Variants in FBH1 observed in about 807,000 individuals in gnomAD.
FBH1 encodes the protein DNA 3'-5' helicase 1.
Under a neutral mutation model 115.5 loss-of-function variants are expected in FBH1, and 43 were observed. The ratio of observed to expected loss-of-function variants is 0.37; its 90% CI spans 0.29 to 0.48. The LOEUF (loss-of-function observed/expected upper bound fraction) is 0.48, where lower values mean the gene tolerates loss of function less well. Among genes scored for constraint, FBH1 ranks in the 20% least tolerant of loss-of-function variants. The pLI is 0.99. For missense variants in FBH1, 1,001 were observed against 1,337.3 expected (o/e 0.75, Z 3.92); for synonymous variants, 524 against 507.8 (o/e 1.03, Z -0.43).
chr10:5,895,332 T>C lies in FBH1; in HGVS notation c.1+4986T>C. The C allele has an allele frequency of 1.4e-6, 1 of 708,836 alleles. No homozygotes were observed. The highest frequency in any genetic ancestry group is 2.1e-6 in the Non-Finnish European group (1 of 485,762). 43.9% of individuals were successfully genotyped at this position (708,836 alleles called of 1,614,324 possible). On this transcript the variant is annotated intron_variant, in intron 1 of 20. Coordinates refer to ENST00000362091, the MANE Select transcript of FBH1 (RefSeq NM_178150.3). The surrounding 1 kb of genome is among the most constrained non-coding windows in gnomAD (Gnocchi z 5.0). ...CAGTCAGGTACCTTGTACTAGCGAG[T>C]CAACTTGATTTTTTTTTGAAAAAGC...
At chr10:5,896,795 G>A (rs987443399) in intron 1 of FBH1, among the ~76,000 whole-genome samples, 2 of 152,126 alleles carry the variant, frequency 1.3e-5, no homozygotes, top group African/African-American at 4.8e-5. Flanking sequence ...ATTCCCTAAA[G>A]AATCACAAGC....
chr10:5,936,649 G>A lies in FBH1; in HGVS notation c.2961+62G>A, dbSNP rs746573758. On this transcript the variant is annotated intron_variant, in intron 20 of 20. Coordinates refer to ENST00000362091, the MANE Select transcript of FBH1 (RefSeq NM_178150.3). This position sits in a 1 kb window ranked among gnomAD's most constrained non-coding sequence, Gnocchi z 5.6. ...TGCATTTTTTGCTTGTGAGCTCTGTGCTTATCTGGGTTGTAGGTGAGGAGA... is the reference window on the plus strand; with the variant it reads ...TGCATTTTTTGCTTGTGAGCTCTGTACTTATCTGGGTTGTAGGTGAGGAGA... 1.6e-5 allele frequency: 25 copies of A among 1,595,394 alleles called. No homozygotes were observed. The highest frequency in any genetic ancestry group is 6.7e-5 in the African/African-American group (5 of 74,594).
Position 5,925,314 on chromosome 10 carries a change from T to C in FBH1, c.2597-53T>C. On this transcript the variant is annotated intron_variant, in intron 17 of 20. Coordinates refer to ENST00000362091, the MANE Select transcript of FBH1 (RefSeq NM_178150.3). This position sits in a 1 kb window ranked among gnomAD's most constrained non-coding sequence, Gnocchi z 4.6. ...GGGAAACATGTATGTTTTTGTCATC[T>C]TGTTTCTTTCCCTTTGAAGCACCAT... is the stretch of plus-strand genomic sequence containing the variant. The C allele has an allele frequency of 1.9e-6, 3 of 1,596,498 alleles. No homozygotes were observed. In the South Asian group the frequency reaches 3.4e-5, roughly 18 times the overall value.
chr10:5,906,693 A>G lies in FBH1; in HGVS notation c.753+61A>G, dbSNP rs1843715105. On this transcript the variant is annotated intron_variant, in intron 3 of 20. Coordinates refer to ENST00000362091, the MANE Select transcript of FBH1 (RefSeq NM_178150.3). This position sits in a 1 kb window ranked among gnomAD's most constrained non-coding sequence, Gnocchi z 7.3. The stretch of plus-strand genomic sequence containing the variant: ...AAAAGCACGTAACTTTGCTTAATGC[A>G]CGCTTATAATCAGAGGATCTTTTCA... 1 of 1,337,364 alleles carries G rather than the reference A, an allele frequency of 7.5e-7. No homozygotes were observed. The highest frequency in any genetic ancestry group is 1.0e-6 in the Non-Finnish European group (1 of 963,760). The allele number at this position is 1,337,364 out of a possible 1,614,324, so 82.8% of individuals were successfully genotyped here.
Position 5,897,634 on chromosome 10 carries a change from T to C in FBH1, c.2-5386T>C. On this transcript the variant is annotated intron_variant, in intron 1 of 20. Transcript: ENST00000362091. The surrounding 1 kb of genome is among the most constrained non-coding windows in gnomAD (Gnocchi z 4.7). The stretch of plus-strand genomic sequence containing the variant: ...ATGGCTGGTAACGCCATTCCAGTTA[T>C]ATAGGTTACTTATCTTAGTGCACAG... Among the ~76,000 whole-genome samples, 1 of 152,198 alleles carries C rather than the reference T, an allele frequency of 6.6e-6. No individual in the cohort carries two copies.
chr10:5,921,518 G>A lies in FBH1; in HGVS notation c.2271G>A (p.Glu757=). Reference sequence around the variant, plus strand: ...GGACCAACGCCAACGTGTTTGATGAGGCCGTACGGGTGACGGAAGGGGAAT... The same window carrying A: ...GGACCAACGCCAACGTGTTTGATGAAGCCGTACGGGTGACGGAAGGGGAAT... The part of the protein sequence containing the change: ...LSRTNANVFD[E]AVRVTEGEFP... Residue 757 remains glutamate (E), a synonymous_variant, in exon 15 of 21, where the codon GAG becomes GAA. Transcript: ENST00000362091. This position sits in a 1 kb window ranked among gnomAD's most constrained non-coding sequence, Gnocchi z 6.4. 1 of 1,596,442 alleles carries A rather than the reference G, an allele frequency of 6.3e-7. No individual in the cohort carries two copies. Among genetic ancestry groups the A allele is most frequent in the Non-Finnish European group, 8.5e-7 (1 of 1,175,940 alleles).
intron 10 of FBH1, among the ~76,000 whole-genome samples, chr10:5,916,862 T>C (rs1024016856): frequency 6.6e-5 from 10 of 152,186 alleles, no homozygotes; most frequent in African/African-American, 2.4e-4. Flanking sequence ...TTTTCTCCTG[T>C]GAAGGACACT....
At position 5,921,352 on chromosome 10, in the gene FBH1, A is replaced by G. The variant is rs777436642; in HGVS notation, c.2195A>G (p.His732Arg). The G allele has an allele frequency of 2.5e-6, 4 of 1,614,106 alleles. No individual in the cohort carries two copies. Among genetic ancestry groups the G allele is most frequent in the African/African-American group, 1.3e-5 (1 of 74,946 alleles). The change falls in exon 14 of 21, where the codon CAT becomes CGT. Residue 732 changes from histidine to arginine, a missense_variant. By Grantham distance (29) the His-to-Arg change is conservative. This residue lies in a region of FBH1 where 521 missense variants were observed against 811.0 expected (regional missense o/e 0.64). Coordinates refer to ENST00000362091, the MANE Select transcript of FBH1 (RefSeq NM_178150.3). This position sits in a 1 kb window ranked among gnomAD's most constrained non-coding sequence, Gnocchi z 6.4. ...VRKKTLVGGN[H>R]QSGIRGDAKG... is the part of the protein sequence containing the mutation. ...AAAAAGACTTTGGTTGGAGGAAACC[A>G]TCAGAGTAAGGCTTTTAGTTACTCT...
chr10:5,890,377 G>A (rs1376265738), intron 1 of FBH1, 31 bp downstream of exon 1: 2 of 373,006 alleles, frequency 5.4e-6, no homozygotes, highest in Admixed American at 4.7e-5. Context: ...GGCAGGGAGT[G>A]TGGGAGGGGC....
chr10:5,915,739 T>C lies in FBH1; in HGVS notation c.1565+168T>C. The C allele has an allele frequency of 8.0e-6, 5 of 624,992 alleles. No individual in the cohort carries two copies. The highest frequency in any genetic ancestry group is 7.9e-5 in the South Asian group (4 of 50,346). 38.7% of individuals were successfully genotyped at this position (624,992 alleles called of 1,614,324 possible). ...AATACATAGGTTTAGCCATTTGTAC[T>C]TTTATCCTGTAGCAACATATTGTTT... On this transcript the variant is annotated intron_variant, in intron 9 of 20. Transcript: ENST00000362091. The surrounding 1 kb of genome is among the most constrained non-coding windows in gnomAD (Gnocchi z 5.2).
rs78611720 is a variant in FBH1, at chr10:5,895,517, A to G, written c.1+5171A>G. On this transcript the variant is annotated intron_variant, in intron 1 of 20. Transcript: ENST00000362091. The surrounding 1 kb of genome is among the most constrained non-coding windows in gnomAD (Gnocchi z 5.0). Reference sequence around the variant, plus strand: ...AAGGAAATTATTTGGTATCCATTTCAAATGATCCTGAATGGTTAGGGTAAG... The same window carrying G: ...AAGGAAATTATTTGGTATCCATTTCGAATGATCCTGAATGGTTAGGGTAAG... 8.0e-4 allele frequency among the ~76,000 whole-genome samples: 122 copies of G among 152,334 alleles called. 3 individuals carry two copies. The East Asian group carries it at 0.015, about 18-fold the overall frequency.
At position 5,897,618 on chromosome 10, in the gene FBH1, A is replaced by G. The variant is rs1843087691; in HGVS notation, c.2-5402A>G. Among the ~76,000 whole-genome samples, 1 of 152,236 alleles carries G rather than the reference A, an allele frequency of 6.6e-6. No individual in the cohort carries two copies. Among genetic ancestry groups the G allele is most frequent in the Non-Finnish European group, 1.5e-5 (1 of 68,036 alleles). ...TCCCGCCAGCCAAACTATGGCTGGT[A>G]ACGCCATTCCAGTTATATAGGTTAC... On this transcript the variant is annotated intron_variant, in intron 1 of 20. Transcript: ENST00000362091. This position sits in a 1 kb window ranked among gnomAD's most constrained non-coding sequence, Gnocchi z 4.7.
At chr10:5,892,767 C>A (rs1392513596) in intron 1 of FBH1, among the ~76,000 whole-genome samples, 2 of 152,216 alleles carry the variant, frequency 1.3e-5, no homozygotes, top group Non-Finnish European at 1.5e-5. Flanking sequence ...TTTGAATGTT[C>A]TACTAGAAAT....
Position 5,915,970 on chromosome 10 carries a change from G to A in FBH1, c.1566-264G>A, listed in dbSNP as rs867782887. ...TCAGGGAACTCCAAGGGTCCCTCCGGGGACCTTCTGGAGCCCAGCTTCATG... is the reference window on the plus strand; with the variant it reads ...TCAGGGAACTCCAAGGGTCCCTCCGAGGACCTTCTGGAGCCCAGCTTCATG... On this transcript the variant is annotated intron_variant, in intron 9 of 20. Coordinates refer to ENST00000362091, the MANE Select transcript of FBH1 (RefSeq NM_178150.3). The surrounding 1 kb of genome is among the most constrained non-coding windows in gnomAD (Gnocchi z 5.2). 33 of 515,682 alleles carry A rather than the reference G, an allele frequency of 6.4e-5. 1 individual carries two copies. In the South Asian group the frequency reaches 6.5e-4, roughly 10 times the overall value. 31.9% of individuals were successfully genotyped at this position (515,682 alleles called of 1,614,324 possible). A position where few individuals can be genotyped will look rare whatever the true frequency, so the allele number is the denominator to read the frequency against.
Position 5,912,494 on chromosome 10 carries a change from G to A in FBH1, c.1212-1253G>A, listed in dbSNP as rs550525255. On this transcript the variant is annotated intron_variant, in intron 6 of 20. Coordinates refer to ENST00000362091, the MANE Select transcript of FBH1 (RefSeq NM_178150.3). ...ATCCTGGAGAAGCAGAGACCGTGGG[G>A]GCTGGGGGCCGGGGGAGGGGGGTCC... Among the ~76,000 whole-genome samples the A allele has an allele frequency of 2.6e-4, 40 of 152,172 alleles. No individual in the cohort carries two copies. The East Asian group carries it at 7.6e-3, about 29-fold the overall frequency.
Position 5,905,583 on chromosome 10 carries a change from A to G in FBH1, c.158-454A>G, listed in dbSNP as rs578153777. On this transcript the variant is annotated intron_variant, in intron 2 of 20. Coordinates refer to ENST00000362091, the MANE Select transcript of FBH1 (RefSeq NM_178150.3). ...AAAGTTTTAGCACTGTCAAATGAGA[A>G]GAGTGAGATTTTCCGAATCCTGATG... Among the ~76,000 whole-genome samples, 6 of 152,344 alleles carry G rather than the reference A, an allele frequency of 3.9e-5. No individual in the cohort carries two copies. The South Asian group carries it at 1.2e-3, about 32-fold the overall frequency.
intron 1 of FBH1, 108 bp from the exon 2 acceptor site, chr10:5,902,912 C>A: frequency 5.4e-6 from 6 of 1,114,888 alleles, no homozygotes; most frequent in Non-Finnish European, 7.3e-6. Flanking sequence ...GGGGTGTTGA[C>A]AAAATCGTGT....
rs142004290 is a variant in FBH1, at chr10:5,899,647, G to A, written c.2-3373G>A. On this transcript the variant is annotated intron_variant, in intron 1 of 20. Coordinates refer to ENST00000362091, the MANE Select transcript of FBH1 (RefSeq NM_178150.3). The stretch of plus-strand genomic sequence containing the variant: ...ATTTGCTGCCCGGAGTCCTGCAGCT[G>A]CTCCTGCTGTTGAGCATTGTGTGGG... Among the ~76,000 whole-genome samples, 627 of 152,248 alleles carry A rather than the reference G, an allele frequency of 4.1e-3. 2 individuals carry two copies. The highest frequency in any genetic ancestry group is 0.013 in the African/African-American group (542 of 41,546).
intron 6 of FBH1, among the ~76,000 whole-genome samples, chr10:5,912,962 C>T (rs559557498): frequency 9.5e-4 from 145 of 152,178 alleles, no homozygotes; most frequent in Non-Finnish European, 1.7e-3. Flanking sequence ...GTATTTGTTG[C>T]ATTGGAGAGG....
Sources: allele counts gnomAD v4.1 joint callset (sites outside exome capture counted in the v4.1 genomes callset), GRCh38; gene constraint gnomAD v4.1.1; regional missense constraint gnomAD v4.1.1; non-coding constraint Gnocchi (gnomAD v3.1); transcripts MANE v1.5; gene names NCBI Gene and HGNC (gene_info 2026-07-23, HGNC 2026-07-21).